Variants in C10orf67 observed in about 807,000 individuals in gnomAD.
C10orf67 encodes uncharacterized protein C10orf67, mitochondrial.
A neutral mutation model predicts 35.6 loss-of-function variants in C10orf67; 60 were observed. That is an observed-to-expected ratio of 1.68 (90% CI 1.37 to 2.09). C10orf67 has a LOEUF of 2.09. C10orf67 is among the 30% of genes most tolerant of loss of function. The probability of loss-of-function intolerance (pLI) is 0.00; values close to 1 mark genes in which losing one functional copy is unlikely to be tolerated. For missense variants in C10orf67, 474 were observed against 330.2 expected, an observed-to-expected ratio of 1.44 and a Z score of -3.38; for synonymous variants, 167 against 115.8, an observed-to-expected ratio of 1.44 and a Z score of -2.84.
intron 5 of C10orf67, among the ~76,000 whole-genome samples, chr10:23,299,620 G>A (rs1389137258): frequency 2.0e-5 from 3 of 152,148 alleles, no homozygotes; most frequent in Non-Finnish European, 4.4e-5. Flanking sequence ...TCTAGTGACT[G>A]GCTGTCCTAG....
intron 13 of C10orf67, among the ~76,000 whole-genome samples, chr10:23,225,023 A>G (rs1440265564): frequency 1.3e-5 from 2 of 152,198 alleles, no homozygotes; most frequent in Non-Finnish European, 2.9e-5. Flanking sequence ...AGAGAACACC[A>G]CAAAGATACT....
At chr10:23,250,135 A>G (rs1426280180) in intron 12 of C10orf67, among the ~76,000 whole-genome samples, 1 of 152,214 alleles carries the variant, frequency 6.6e-6, no homozygotes, top group African/African-American at 2.4e-5. Context: ...ATTGTGTGCA[A>G]ATGAGCAGGA....
At chr10:23,236,813 G>A (rs1423675350) in intron 13 of C10orf67, among the ~76,000 whole-genome samples, 1 of 152,166 alleles carries the variant, frequency 6.6e-6, no homozygotes, top group Non-Finnish European at 1.5e-5. Context: ...GGAGGTGGAG[G>A]TTGCAGTGAG....
intron 5 of C10orf67, among the ~76,000 whole-genome samples, chr10:23,299,661 C>G (rs1844002894): frequency 6.6e-6 from 1 of 152,026 alleles, no homozygotes; most frequent in Non-Finnish European, 1.5e-5. Context: ...ATCTGGAGGA[C>G]AATTGTCCAC....
At chr10:23,249,131 CAAAAAAAAAAA>C (rs57702096) in intron 12 of C10orf67, among the ~76,000 whole-genome samples, 18 of 21,548 alleles carry the variant, frequency 8.4e-4, no homozygotes, top group Non-Finnish European at 9.8e-4. Flanking sequence ...AACTCCCTCT[CAAAAAAAAAAA>C]AAAAAAAAAA....
rs1023172439 is a variant in C10orf67 at position 23,326,753 on chromosome 10, G to A, written c.328-4216C>T. ...ACAAGGTTATTGCGTTTTACATGAA[G>A]TTGTGCAATATTAATGCTAAGTACA... On this transcript the variant is annotated intron_variant, in intron 2 of 15. Coordinates refer to ENST00000636213, the MANE Select transcript of C10orf67 (RefSeq NM_001371909.1). 3.3e-5 allele frequency among the ~76,000 whole-genome samples: 5 copies of A among 152,122 alleles called. No individual in the cohort carries two copies. In the East Asian group the frequency reaches 5.8e-4, roughly 18 times the overall value.
In C10orf67 at chr10:23,280,382, C is replaced by T. The variant is rs139617655; in HGVS notation, c.975+1631G>A. 1.2e-3 allele frequency among the ~76,000 whole-genome samples: 177 copies of T among 152,304 alleles called. 1 individual carries two copies. Among genetic ancestry groups the T allele is most frequent in the African/African-American group, 4.0e-3 (168 of 41,554 alleles). ...TCACAAATCCTGGGTCCTGGAAAAA[C>T]GCAGGATAGCGAGAAACAAAGGAAG... On this transcript the variant is annotated intron_variant, in intron 8 of 15. Transcript: ENST00000636213.
intron 10 of C10orf67, among the ~76,000 whole-genome samples, chr10:23,255,563 A>T (rs1842577739): frequency 6.6e-6 from 1 of 152,224 alleles, no homozygotes; most frequent in Non-Finnish European, 1.5e-5. Flanking sequence ...TCATGTGTTC[A>T]TGTGTTCATG....
chr10:23,335,446 A>C (rs1194085477), intron 1 of C10orf67, among the ~76,000 whole-genome samples: 1 of 152,188 alleles, frequency 6.6e-6, no homozygotes, highest in African/African-American at 2.4e-5. Flanking sequence ...TCATAGACTT[A>C]CTGTGAGAAT....
At position 23,320,686 on chromosome 10, in the gene C10orf67, A is replaced by G; in HGVS notation, c.546+55T>C. The G allele has an allele frequency of 5.8e-6, 8 of 1,370,116 alleles. No individual in the cohort carries two copies. In the South Asian group the frequency reaches 8.9e-5, roughly 15 times the overall value. The allele number at this position is 1,370,116 out of a possible 1,614,324, so 84.9% of individuals were successfully genotyped here. ...CCAAGGTGATCCCCACTCCTTGCAC[A>G]CAGCAGCTGAAGCTAGCCTTGCCCA... On this transcript the variant is annotated intron_variant, in intron 4 of 15. Transcript: ENST00000636213.
chr10:23,280,028 T>C (rs1588646105), intron 8 of C10orf67, among the ~76,000 whole-genome samples: 1 of 151,954 alleles, frequency 6.6e-6, no homozygotes. Context: ...TAATCTTTTT[T>C]ATTTTATATA....
chr10:23,260,101 C>A (rs950820626), intron 10 of C10orf67, among the ~76,000 whole-genome samples: 1 of 151,992 alleles, frequency 6.6e-6, no homozygotes, highest in Non-Finnish European at 1.5e-5. Flanking sequence ...TATTATCCAG[C>A]TGTTGAAAAG....
chr10:23,215,322 C>T (rs1841401936), intron 15 of C10orf67, among the ~76,000 whole-genome samples: 1 of 151,182 alleles, frequency 6.6e-6, no homozygotes, highest in African/African-American at 2.4e-5. Context: ...GAGACAGAGC[C>T]TCACTCTTTT....
intron 5 of C10orf67, among the ~76,000 whole-genome samples, chr10:23,299,801 C>A (rs528985286): frequency 6.6e-6 from 1 of 152,120 alleles, no homozygotes; most frequent in African/African-American, 2.4e-5. Context: ...CACGGTGAAA[C>A]CCTGTCTCTA....
intron 15 of C10orf67, among the ~76,000 whole-genome samples, chr10:23,207,456 C>T (rs1334334935): frequency 7.0e-6 from 1 of 143,660 alleles, no homozygotes; most frequent in Admixed American, 6.8e-5. Context: ...GAAAGGCATG[C>T]TAATGAACTA....
intron 1 of C10orf67, among the ~76,000 whole-genome samples, chr10:23,338,463 C>T (rs779172653): frequency 2.0e-5 from 3 of 152,244 alleles, no homozygotes; most frequent in Middle Eastern, 3.4e-3. Flanking sequence ...TCATCCTCAC[C>T]GGAACACACA....
intron 15 of C10orf67, among the ~76,000 whole-genome samples, 187 bp from the exon 16 acceptor site, chr10:23,204,442 G>C (rs1475640594): frequency 6.6e-6 from 1 of 152,170 alleles, no homozygotes. Flanking sequence ...CAGGCAGGCA[G>C]ATTATCCTTG....
At chr10:23,244,939 C>G (rs1842281707) in intron 12 of C10orf67, among the ~76,000 whole-genome samples, 1 of 152,200 alleles carries the variant, frequency 6.6e-6, no homozygotes, top group South Asian at 2.1e-4. Context: ...AGCTCACTTC[C>G]TGATTTGAGA....
In C10orf67 at chr10:23,342,166, A is replaced by AAAAAC. The variant is rs920659553; in HGVS notation, c.206+2398_206+2402dup. Among the ~76,000 whole-genome samples, 35 of 151,826 alleles carry AAAAAC rather than the reference A, an allele frequency of 2.3e-4. 1 individual carries two copies. The highest frequency in any genetic ancestry group is 4.6e-4 in the African/African-American group (19 of 41,354). ...GTGACAGAGTGAGACCCTGACTCTA[A>AAAAAC]AAAACAAAACAAAACAAAACAAAAA... On this transcript the variant is annotated intron_variant, in intron 1 of 15. Coordinates refer to ENST00000636213, the MANE Select transcript of C10orf67 (RefSeq NM_001371909.1).
Sources: gnomAD v4.1 joint callset for allele counts (sites outside exome capture counted in the v4.1 genomes callset) on GRCh38, gnomAD v4.1.1 for gene constraint, MANE v1.5 for transcripts, NCBI Gene and HGNC (gene_info 2026-07-23, HGNC 2026-07-21) for gene names.